SOX5: variants seen among roughly 807,000 people sequenced by gnomAD.
SOX5 encodes the protein transcription factor SOX-5.
Under a neutral mutation model 92.0 loss-of-function variants are expected in SOX5, and 9 were observed. That is an observed-to-expected ratio of 0.10 (90% CI 0.06 to 0.17). The LOEUF is 0.17. Ranked by LOEUF, SOX5 falls within the 10% of genes least tolerant of loss-of-function variation. The pLI is 1.00. For missense variants in SOX5, 642 were observed against 944.5 expected (o/e 0.68, Z 4.20); for synonymous variants, 344 against 336.3 (o/e 1.02, Z -0.25).
intron 1 of SOX5, among the ~76,000 whole-genome samples, chr12:24,414,156 T>A (rs76941155): frequency 1.3e-5 from 2 of 151,974 alleles, no homozygotes; most frequent in African/African-American, 4.8e-5. Context: ...AATCCATTAA[T>A]TTTTTTTCTT....
intron 1 of SOX5, among the ~76,000 whole-genome samples, chr12:24,550,663 A>G (rs1176911500): frequency 3.9e-5 from 6 of 152,240 alleles, no homozygotes; most frequent in Admixed American, 2.0e-4. Flanking sequence ...TTAACAGAGA[A>G]TGATTATTTC....
intron 3 of SOX5, among the ~76,000 whole-genome samples, chr12:23,844,355 TGGGG>T (rs2096551968): frequency 6.6e-6 from 1 of 152,212 alleles, no homozygotes; most frequent in African/African-American, 2.4e-5. Flanking sequence ...CATTGTAAGT[TGGGG>T]ACCATCTGCA....
chr12:23,985,375 A>G (rs12830561), intron 4 of SOX5, among the ~76,000 whole-genome samples: 36,053 of 151,888 alleles, frequency 0.24, 4,578 homozygotes, highest in African/African-American at 0.3. Context: ...TGATTTTTCC[A>G]AAGTGCTGGG....
chr12:23,624,859 T>C (rs914788531), intron 8 of SOX5, among the ~76,000 whole-genome samples: 2 of 152,178 alleles, frequency 1.3e-5, no homozygotes, highest in African/African-American at 4.8e-5. Context: ...ATAAAAAGGA[T>C]CTCACTCAAC....
At chr12:23,653,966 G>A (rs955017758) in intron 7 of SOX5, among the ~76,000 whole-genome samples, 9 of 152,124 alleles carry the variant, frequency 5.9e-5, no homozygotes, top group Admixed American at 5.9e-4. Context: ...AATAAATGAA[G>A]GAAGAATTCA....
At chr12:23,796,521 C>G (rs953375603) in intron 3 of SOX5, among the ~76,000 whole-genome samples, 1 of 151,928 alleles carries the variant, frequency 6.6e-6, no homozygotes, top group Non-Finnish European at 1.5e-5. Context: ...GTAGAACAAG[C>G]AGGCACCAAA....
chr12:23,719,254 A>C (rs2092678686), intron 6 of SOX5, among the ~76,000 whole-genome samples: 1 of 152,202 alleles, frequency 6.6e-6, no homozygotes, highest in Admixed American at 6.5e-5. Context: ...TCAGAATCTA[A>C]TTACTTATTA....
At chr12:23,734,575 G>A in intron 6 of SOX5, 109 bp downstream of exon 6, 3 of 804,242 alleles carry the variant, frequency 3.7e-6, no homozygotes, top group Non-Finnish European at 5.8e-6. Flanking sequence ...TCATGAATTA[G>A]CTTGAAAGTC....
At chr12:24,549,408 T>C (rs1403503471) in intron 1 of SOX5, among the ~76,000 whole-genome samples, 1 of 152,102 alleles carries the variant, frequency 6.6e-6, no homozygotes, top group East Asian at 1.9e-4. Context: ...GATTACTGAA[T>C]GAATGAAGAA....
chr12:23,763,926 C>T (rs1421855854), intron 3 of SOX5, among the ~76,000 whole-genome samples: 1 of 152,084 alleles, frequency 6.6e-6, no homozygotes, highest in Non-Finnish European at 1.5e-5. Flanking sequence ...TGGGAGAGTG[C>T]AGCACTCTTG....
intron 2 of SOX5, among the ~76,000 whole-genome samples, chr12:24,310,846 A>AT (rs527792235): frequency 1.3e-5 from 2 of 151,228 alleles, no homozygotes; most frequent in Admixed American, 1.3e-4. Flanking sequence ...AGTGTTTTCA[A>AT]TTTTTTTGTT....
At chr12:24,213,067 GA>G (rs1341600203) in intron 4 of SOX5, among the ~76,000 whole-genome samples, 3 of 151,782 alleles carry the variant, frequency 2.0e-5, no homozygotes, top group Non-Finnish European at 1.5e-5. Context: ...TTTATACAAG[GA>G]AAAAAATATA....
At chr12:23,877,375 C>T (rs2096938862) in intron 2 of SOX5, among the ~76,000 whole-genome samples, 1 of 151,886 alleles carries the variant, frequency 6.6e-6, no homozygotes, top group Admixed American at 6.6e-5. Flanking sequence ...GTTACAGTTG[C>T]CATTTTTGGA....
intron 4 of SOX5, among the ~76,000 whole-genome samples, chr12:24,148,709 AAAAAAAAG>A (rs1359820636): frequency 8.7e-6 from 1 of 115,244 alleles, no homozygotes; most frequent in Non-Finnish European, 1.9e-5. Flanking sequence ...AAAAAAAAAA[AAAAAAAAG>A]AAGAAAGAAA....
intron 1 of SOX5, among the ~76,000 whole-genome samples, chr12:24,388,077 G>A (rs1958608471): frequency 6.6e-6 from 1 of 152,200 alleles, no homozygotes; most frequent in South Asian, 2.1e-4. Flanking sequence ...AACTTCAGAA[G>A]TAATTCAATC....
rs528046626 is a variant in SOX5 at position 23,960,532 on chromosome 12, T to TATATATATATATAC, written c.-1-64509_-1-64508insGTATATATATATAT. Among the ~76,000 whole-genome samples the TATATATATATATAC allele has an allele frequency of 0.012, 374 of 31,472 alleles. 6 individuals are homozygous for TATATATATATATAC. The South Asian group carries it at 0.17, about 15-fold the overall frequency. 20.6% of individuals were successfully genotyped at this position (31,472 alleles called of 152,430 possible). ...TTATATACATATATATATATATACATATATATATATATATGAAGTCAGTTA... is the reference window on the plus strand; with the variant it reads ...TTATATACATATATATATATATACATATATATATATATACATATATATATATATGAAGTCAGTTA... On this transcript the variant is annotated intron_variant, in intron 4 of 4. Transcript: ENST00000446891.
chr12:24,490,819 A>C (rs970140521), intron 1 of SOX5, among the ~76,000 whole-genome samples: 2 of 152,192 alleles, frequency 1.3e-5, no homozygotes, highest in Non-Finnish European at 2.9e-5. Context: ...TACTTGAAGC[A>C]TGATACTCTA....
At chr12:23,668,329 G>A (rs1270274961) in intron 6 of SOX5, among the ~76,000 whole-genome samples, 1 of 152,132 alleles carries the variant, frequency 6.6e-6, no homozygotes, top group African/African-American at 2.4e-5. Context: ...CTTCCTTTAA[G>A]AGCAATTGTT....
At chr12:24,086,764 T>C (rs1156365626) in intron 4 of SOX5, among the ~76,000 whole-genome samples, 2 of 152,048 alleles carry the variant, frequency 1.3e-5, no homozygotes, top group Non-Finnish European at 2.9e-5. Flanking sequence ...TTCTATTTTC[T>C]TTCTTTACAT....
Sources: gnomAD v4.1 joint callset for allele counts (sites outside exome capture counted in the v4.1 genomes callset) on GRCh38, gnomAD v4.1.1 for gene constraint, MANE v1.5 for transcripts, NCBI Gene and HGNC (gene_info 2026-07-23, HGNC 2026-07-21) for gene names.